SYTL2: variants seen among roughly 807,000 people sequenced by gnomAD.
SYTL2 encodes synaptotagmin like 2, also known as synaptotagmin-like protein 2.
In SYTL2, 165 loss-of-function variants were observed where a neutral mutation model predicts 198.7. The ratio of observed to expected loss-of-function variants is 0.83; its 90% CI spans 0.73 to 0.94. SYTL2 has a LOEUF of 0.94. Ranked by LOEUF, SYTL2 falls within the 40% of genes least tolerant of loss-of-function variation. The pLI is 0.00. For missense variants in SYTL2, 2,835 were observed against 2,582.8 expected (o/e 1.10, Z -2.12); for synonymous variants, 966 against 917.7 (o/e 1.05, Z -0.95).
chr11:85,821,407 T>G, the SYTL2 span, among the ~76,000 whole-genome samples: 1 of 152,070 alleles, frequency 6.6e-6, no homozygotes, highest in African/African-American at 2.4e-5. Flanking sequence ...GAGTAGGATT[T>G]TTAAAAGAGG....
At position 85,709,480 on chromosome 11, in the gene SYTL2, A is replaced by G; in HGVS notation, c.5766T>C (p.Ser1922=). The G allele has an allele frequency of 6.2e-7, 1 of 1,613,754 alleles. No individual in the cohort carries two copies. Among genetic ancestry groups the G allele is most frequent in the Non-Finnish European group, 8.5e-7 (1 of 1,179,992 alleles). ...GATTGCCAAAGTCTCCACTATAAAC[A>G]CTCATCACACTGCCACTCACCTGAA... ...SLSSVSGSVM[S]VYSGDFGNLE... is the part of the protein sequence containing the mutation. Residue 1922 remains serine (S), a synonymous_variant, in exon 14 of 20, where the codon AGT becomes AGC. Transcript: ENST00000359152.
chr11:85,848,025 G>C, the SYTL2 span, among the ~76,000 whole-genome samples: 954 of 152,126 alleles, frequency 6.3e-3, 19 homozygotes, highest in African/African-American at 0.022. Flanking sequence ...TTGGGTGTTT[G>C]AGACCAGCCT....
At chr11:85,805,045 T>C (rs1015724224) in intron 1 of SYTL2, among the ~76,000 whole-genome samples, 6 of 152,142 alleles carry the variant, frequency 3.9e-5, no homozygotes, top group African/African-American at 1.4e-4. Context: ...AACAATCTTG[T>C]CAAACAAATC....
At chr11:85,833,014 A>G in the SYTL2 span, among the ~76,000 whole-genome samples, 1 of 20,704 alleles carries the variant, frequency 4.8e-5, no homozygotes, top group African/African-American at 2.6e-4. Flanking sequence ...AAGAAAGAAA[A>G]GAAAGAAAGA....
intron 14 of SYTL2, among the ~76,000 whole-genome samples, chr11:85,707,741 A>T (rs1456242225): frequency 1.3e-5 from 2 of 152,042 alleles, no homozygotes; most frequent in African/African-American, 4.8e-5. Flanking sequence ...TGTTTTGAAG[A>T]TTTTTAACGG....
chr11:85,719,304 G>C (rs2087888301), intron 9 of SYTL2: 2 of 1,157,188 alleles, frequency 1.7e-6, no homozygotes, highest in African/African-American at 3.2e-5. Flanking sequence ...ATGTAACTGG[G>C]GACCAGCTGC....
intron 7 of SYTL2, among the ~76,000 whole-genome samples, chr11:85,731,532 C>T (rs555024510): frequency 6.6e-4 from 101 of 152,076 alleles, no homozygotes; most frequent in Non-Finnish European, 9.4e-4. Flanking sequence ...GCTAGCCATA[C>T]GCAGAAAACT....
chr11:85,809,747 C>G (rs2093005968), intron 1 of SYTL2, among the ~76,000 whole-genome samples: 1 of 152,194 alleles, frequency 6.6e-6, no homozygotes. Context: ...GCCCACTAAA[C>G]AGCAGTCAAC....
intron 9 of SYTL2, chr11:85,719,362 G>T (rs767191817): frequency 2.7e-6 from 3 of 1,122,418 alleles, no homozygotes; most frequent in South Asian, 2.1e-5. Flanking sequence ...TCAGTATTTG[G>T]AAGGGAGCGT....
At chr11:85,718,591 A>G in intron 10 of SYTL2, 199 bp downstream of exon 10, 1 of 589,108 alleles carries the variant, frequency 1.7e-6, no homozygotes, top group East Asian at 2.8e-5. Context: ...TCATGACAGT[A>G]TCACCAGAAG....
At chr11:85,753,781 A>T (rs1371224470) in intron 2 of SYTL2, among the ~76,000 whole-genome samples, 1 of 151,620 alleles carries the variant, frequency 6.6e-6, no homozygotes, top group Admixed American at 6.6e-5. Context: ...AAAAAAAAAA[A>T]AAAAAAAAGA....
At chr11:85,740,624 C>T (rs116458759) in intron 4 of SYTL2, among the ~76,000 whole-genome samples, 1 of 152,174 alleles carries the variant, frequency 6.6e-6, no homozygotes, top group African/African-American at 2.4e-5. Flanking sequence ...ATAAAAGATA[C>T]TCCATACATT....
At chr11:85,836,289 T>C in the SYTL2 span, among the ~76,000 whole-genome samples, 1 of 152,082 alleles carries the variant, frequency 6.6e-6, no homozygotes, top group African/African-American at 2.4e-5. Flanking sequence ...TCCCATTTGC[T>C]GATGTCTCCT....
intron 19 of SYTL2, among the ~76,000 whole-genome samples, 157 bp from the exon 20 acceptor site, chr11:85,695,497 C>T (rs1394409778): frequency 6.6e-6 from 1 of 152,162 alleles, no homozygotes; most frequent in Non-Finnish European, 1.5e-5. Context: ...AAGAACTGTT[C>T]AATTGTCTGA....
rs1203171792 is a variant in SYTL2, at chr11:85,696,283, C to T, written c.6474G>A (p.Arg2158=). Residue 2158 remains arginine (R), a synonymous_variant, in exon 19 of 20, where the codon AGG becomes AGA. Coordinates refer to ENST00000359152, the MANE Select transcript of SYTL2 (RefSeq NM_206927.4). ...CACAGGCTTCCATCAGATCTTCAGG[C>T]CTGAACCCATCATACACCATAGTGT... ...FNHTMVYDGF[R]PEDLMEACVE... 7.4e-6 allele frequency: 12 copies of T among 1,613,934 alleles called. No homozygotes were observed. The highest frequency in any genetic ancestry group is 1.0e-5 in the Non-Finnish European group (12 of 1,179,946).
the SYTL2 span, among the ~76,000 whole-genome samples, chr11:85,851,981 A>G: frequency 6.6e-6 from 1 of 152,208 alleles, no homozygotes; most frequent in African/African-American, 2.4e-5. Context: ...TAATAAACAC[A>G]ATACTGATAG....
the SYTL2 span, among the ~76,000 whole-genome samples, chr11:85,834,520 T>A: frequency 1.1e-4 from 17 of 152,126 alleles, no homozygotes; most frequent in Admixed American, 2.6e-4. Context: ...AAATTAATAA[T>A]ATCTATCTTA....
chr11:85,751,518 C>A lies in SYTL2; in HGVS notation c.102-3095G>T, dbSNP rs115244128. Among the ~76,000 whole-genome samples the A allele has an allele frequency of 2.3e-3, 357 of 152,320 alleles. 1 individual carries two copies. The highest frequency in any genetic ancestry group is 8.3e-3 in the African/African-American group (344 of 41,560). On this transcript the variant is annotated intron_variant, in intron 2 of 19. Coordinates refer to ENST00000359152, the MANE Select transcript of SYTL2 (RefSeq NM_206927.4). ...TATCCTTTACCATCCTCTCCACACA[C>A]ACACGTTATGTTTAGCAGAGAGTTA... is the stretch of plus-strand genomic sequence containing the variant.
intron 2 of SYTL2, among the ~76,000 whole-genome samples, chr11:85,752,639 T>C (rs76819829): frequency 0.016 from 2,434 of 152,154 alleles, 31 homozygotes; most frequent in Non-Finnish European, 0.027. Flanking sequence ...CGTAGATCTC[T>C]GCAGTCTGCT....
Sources: allele counts gnomAD v4.1 joint callset (sites outside exome capture counted in the v4.1 genomes callset), GRCh38; gene constraint gnomAD v4.1.1; transcripts MANE v1.5; gene names NCBI Gene and HGNC (gene_info 2026-07-23, HGNC 2026-07-21).